Variants in POLK observed in about 807,000 individuals in gnomAD.
POLK encodes the protein polymerase (DNA directed) kappa.
POLK carries 76 observed loss-of-function variants against 94.0 expected under a neutral mutation model. The ratio of observed to expected loss-of-function variants is 0.81; its 90% CI spans 0.67 to 0.98. The LOEUF is 0.98. POLK is among the 50% of genes least tolerant of loss of function. POLK has a pLI of 0.00. For missense variants in POLK, 954 were observed against 1,010.1 expected, an observed-to-expected ratio of 0.94 and a Z score of 0.75; for synonymous variants, 349 against 325.4, an observed-to-expected ratio of 1.07 and a Z score of -0.78.
intron 8 of POLK, among the ~76,000 whole-genome samples, chr5:75,583,752 A>G (rs996320989): frequency 6.6e-6 from 1 of 152,178 alleles, no homozygotes; most frequent in Non-Finnish European, 1.5e-5. Flanking sequence ...TTGCTACTAG[A>G]TTAATGGGCA....
At chr5:75,589,520 G>A (rs750097922) in intron 10 of POLK, among the ~76,000 whole-genome samples, 2 of 151,400 alleles carry the variant, frequency 1.3e-5, no homozygotes, top group Non-Finnish European at 2.9e-5. Context: ...GTGCGATCTC[G>A]GTTCACTGCA....
intron 1 of POLK, among the ~76,000 whole-genome samples, chr5:75,521,411 G>A (rs5744555): frequency 0.27 from 41,118 of 151,670 alleles, 6,037 homozygotes; most frequent in South Asian, 0.43. Flanking sequence ...TTCAGCAAAC[G>A]TATTTCTCAG....
intron 1 of POLK, among the ~76,000 whole-genome samples, chr5:75,527,866 AT>A (rs1768951271): frequency 6.6e-6 from 1 of 152,158 alleles, no homozygotes; most frequent in South Asian, 2.1e-4. Flanking sequence ...TCATCACAGC[AT>A]TTTTTATAAT....
intron 11 of POLK, among the ~76,000 whole-genome samples, chr5:75,592,058 G>A (rs1772816330): frequency 6.6e-6 from 1 of 151,972 alleles, no homozygotes. Context: ...CTCCTCCAGG[G>A]GATACTAAAA....
intron 1 of POLK, among the ~76,000 whole-genome samples, chr5:75,531,519 G>A (rs189365564): frequency 6.6e-6 from 1 of 152,150 alleles, no homozygotes; most frequent in African/African-American, 2.4e-5. Flanking sequence ...TTGAGGCTGG[G>A]TGTGGTGGCT....
chr5:75,522,131 G>A (rs191925812), intron 1 of POLK, among the ~76,000 whole-genome samples: 1 of 152,334 alleles, frequency 6.6e-6, no homozygotes, highest in African/African-American at 2.4e-5. Flanking sequence ...CCCATGGATT[G>A]GGTCAGGGAC....
At chr5:75,530,685 ATTAAT>A (rs1367164523) in intron 1 of POLK, among the ~76,000 whole-genome samples, 1 of 151,820 alleles carries the variant, frequency 6.6e-6, no homozygotes, top group Non-Finnish European at 1.5e-5. Flanking sequence ...ATATATTGTT[ATTAAT>A]TTTATTTTTA....
intron 5 of POLK, among the ~76,000 whole-genome samples, chr5:75,574,636 A>T (rs1771772112): frequency 6.6e-6 from 1 of 152,214 alleles, no homozygotes; most frequent in Non-Finnish European, 1.5e-5. Context: ...CTTTAGTTAT[A>T]CCAGGGGTCT....
intron 5 of POLK, among the ~76,000 whole-genome samples, chr5:75,576,148 C>T (rs948428420): frequency 1.3e-5 from 2 of 151,918 alleles, no homozygotes; most frequent in African/African-American, 4.8e-5. Context: ...CAGACTTTTC[C>T]CCATCATTTA....
chr5:75,559,537 T>TTG (rs1408552975), intron 3 of POLK, among the ~76,000 whole-genome samples: 9 of 136,100 alleles, frequency 6.6e-5, no homozygotes, highest in African/African-American at 2.2e-4. Flanking sequence ...TTTTTTTTTT[T>TTG]TTTTTTTTTT....
intron 1 of POLK, among the ~76,000 whole-genome samples, chr5:75,518,366 G>A (rs1297793639): frequency 6.6e-6 from 1 of 152,100 alleles, no homozygotes; most frequent in East Asian, 1.9e-4. Flanking sequence ...ATCTTGGTAG[G>A]TTGTAAGTGT....
chr5:75,530,628 G>A (rs1287360764), intron 1 of POLK, among the ~76,000 whole-genome samples: 1 of 151,138 alleles, frequency 6.6e-6, no homozygotes, highest in Non-Finnish European at 1.5e-5. Flanking sequence ...TACTATAAGA[G>A]CCAAATGTTA....
chr5:75,583,538 C>A, intron 8 of POLK, 121 bp downstream of exon 8: 1 of 495,174 alleles, frequency 2.0e-6, no homozygotes, highest in South Asian at 5.9e-5. Flanking sequence ...AAAGCAAGAA[C>A]TATAATGGAT....
chr5:75,595,881 C>A (rs2112892190), intron 12 of POLK, among the ~76,000 whole-genome samples: 1 of 151,832 alleles, frequency 6.6e-6, no homozygotes, highest in South Asian at 2.1e-4. Flanking sequence ...TGCTGTGAAC[C>A]TAAAATTCCT....
intron 4 of POLK, among the ~76,000 whole-genome samples, chr5:75,573,031 A>G (rs1392053089): frequency 6.6e-6 from 1 of 152,214 alleles, no homozygotes; most frequent in African/African-American, 2.4e-5. Flanking sequence ...CCAAAGGATT[A>G]TAAATCATGC....
chr5:75,512,332 G>A (rs1426744602), intron 1 of POLK: 1 of 152,284 alleles, frequency 6.6e-6, no homozygotes, highest in African/African-American at 2.4e-5. Context: ...GATTTCTAGA[G>A]TTTGCTTTGT....
intron 8 of POLK, among the ~76,000 whole-genome samples, chr5:75,584,022 A>G (rs1772334306): frequency 6.6e-6 from 1 of 152,162 alleles, no homozygotes; most frequent in South Asian, 2.1e-4. Flanking sequence ...ATATTTTTCA[A>G]TGCTCAGTAT....
At chr5:75,542,309 C>A (rs183358959) in intron 1 of POLK, among the ~76,000 whole-genome samples, 1 of 151,948 alleles carries the variant, frequency 6.6e-6, no homozygotes, top group Non-Finnish European at 1.5e-5. Context: ...TCTCTCTTCC[C>A]GCCACCTCTC....
intron 5 of POLK, among the ~76,000 whole-genome samples, chr5:75,575,152 T>G (rs1374502547): frequency 6.6e-6 from 1 of 152,206 alleles, no homozygotes; most frequent in Admixed American, 6.5e-5. Context: ...ACATAAATAT[T>G]CATGACTTGG....
Sources: allele counts gnomAD v4.1 joint callset (sites outside exome capture counted in the v4.1 genomes callset), GRCh38; gene constraint gnomAD v4.1.1; transcripts MANE v1.5; gene names NCBI Gene and HGNC (gene_info 2026-07-23, HGNC 2026-07-21).